The following KAZN variants were observed in gnomAD, a reference collection of about 807,000 sequenced individuals.
KAZN encodes the protein kazrin.
A neutral mutation model predicts 87.4 loss-of-function variants in KAZN; 40 were observed. That is an observed-to-expected ratio of 0.46 (90% CI 0.36 to 0.60). KAZN has a LOEUF of 0.60. Ranked by LOEUF, KAZN falls within the 20% of genes least tolerant of loss-of-function variation. The pLI is 0.00. For missense variants in KAZN, 898 were observed against 1,073.9 expected (o/e 0.84, Z 2.29); for synonymous variants, 466 against 458.3 (o/e 1.02, Z -0.22).
At chr1:14,845,173 G>A (rs1414498614) in intron 1 of KAZN, among the ~76,000 whole-genome samples, 1 of 149,970 alleles carries the variant, frequency 6.7e-6, no homozygotes, top group Non-Finnish European at 1.5e-5. Context: ...ATGGGTGGGT[G>A]GATGGATGGA....
intron 1 of KAZN, among the ~76,000 whole-genome samples, chr1:14,866,342 C>A (rs898379714): frequency 1.3e-5 from 2 of 152,208 alleles, no homozygotes; most frequent in Non-Finnish European, 2.9e-5. Flanking sequence ...TTGGCGAGAG[C>A]CCCTTCCTCA....
intron 2 of KAZN, among the ~76,000 whole-genome samples, chr1:14,581,995 A>G (rs1294416487): frequency 6.6e-6 from 1 of 151,526 alleles, no homozygotes; most frequent in Non-Finnish European, 1.5e-5. Flanking sequence ...ACCTCGTACC[A>G]CCCAGACTAG....
intron 1 of KAZN, among the ~76,000 whole-genome samples, chr1:13,966,578 C>T (rs960634541): frequency 4.6e-5 from 7 of 152,104 alleles, no homozygotes; most frequent in South Asian, 2.1e-4. Context: ...TGAGTGGTGA[C>T]GCCAGGATCT....
At chr1:14,493,331 C>T (rs1287912944) in intron 2 of KAZN, among the ~76,000 whole-genome samples, 1 of 152,194 alleles carries the variant, frequency 6.6e-6, no homozygotes, top group Non-Finnish European at 1.5e-5. Flanking sequence ...ATGAAAGCAA[C>T]ACCTGGTGTG....
chr1:14,097,349 A>G (rs570181011), intron 1 of KAZN, among the ~76,000 whole-genome samples: 15 of 152,198 alleles, frequency 9.9e-5, no homozygotes, highest in Non-Finnish European at 1.3e-4. Flanking sequence ...AGCCTAAAGC[A>G]TATGTCACAA....
At chr1:14,333,060 T>C (rs540672005) in intron 2 of KAZN, among the ~76,000 whole-genome samples, 3 of 152,216 alleles carry the variant, frequency 2.0e-5, no homozygotes, top group Non-Finnish European at 4.4e-5. Flanking sequence ...TGACAGGCCC[T>C]GGTGTGTGAT....
intron 14 of KAZN, 41 bp downstream of exon 14, chr1:15,112,582 C>A (rs201616561): frequency 1.1e-5 from 6 of 523,516 alleles, no homozygotes; most frequent in South Asian, 8.0e-5. Context: ...CCTGCAGACC[C>A]GGGAAAGGTC....
At chr1:14,480,642 TATA>T (rs1056433340) in intron 2 of KAZN, among the ~76,000 whole-genome samples, 3 of 138,920 alleles carry the variant, frequency 2.2e-5, no homozygotes, top group East Asian at 2.0e-4. Context: ...TATTATGTAT[TATA>T]ATATATAATA....
At chr1:14,538,338 T>A (rs1051161647) in intron 2 of KAZN, among the ~76,000 whole-genome samples, 3 of 152,242 alleles carry the variant, frequency 2.0e-5, no homozygotes, top group African/African-American at 7.2e-5. Context: ...GAGTGTGTGA[T>A]AGAAGAAGAA....
chr1:14,057,436 T>G (rs1642622760), intron 1 of KAZN, among the ~76,000 whole-genome samples: 1 of 152,156 alleles, frequency 6.6e-6, no homozygotes, highest in Non-Finnish European at 1.5e-5. Flanking sequence ...CCCAGCTATG[T>G]TTAGCATTTT....
chr1:14,506,417 C>T (rs565934708), intron 2 of KAZN, among the ~76,000 whole-genome samples: 2 of 152,266 alleles, frequency 1.3e-5, no homozygotes, highest in South Asian at 2.1e-4. Context: ...TCGTTTATAC[C>T]TTTGTCTCTC....
intron 3 of KAZN, among the ~76,000 whole-genome samples, chr1:15,041,336 T>TTTTTTTTG: frequency 6.8e-6 from 1 of 146,488 alleles, no homozygotes; most frequent in Non-Finnish European, 1.5e-5. Flanking sequence ...TTTTTCTTTT[T>TTTTTTTTG]TTTTTTTTTT....
intron 1 of KAZN, among the ~76,000 whole-genome samples, chr1:14,720,301 C>T (rs1230729615): frequency 6.6e-6 from 1 of 152,182 alleles, no homozygotes; most frequent in African/African-American, 2.4e-5. Context: ...CTGGGCAGCC[C>T]CCTTATTTCA....
In KAZN at chr1:14,111,508, G is replaced by A. The variant is rs545333117; in HGVS notation, c.92-68927G>A. Among the ~76,000 whole-genome samples the A allele has an allele frequency of 4.5e-5, 6 of 134,804 alleles. 1 individual carries two copies. The South Asian group carries it at 9.9e-4, about 22-fold the overall frequency. 88.4% of individuals were successfully genotyped at this position (134,804 alleles called of 152,430 possible). On this transcript the variant is annotated intron_variant, in intron 1 of 16. Coordinates refer to the KAZN transcript ENST00000636203. ...GCCCAGCAGAGTCCAAAAGGACTGG[G>A]GCAGCATTGCTGCACTTGAAGGAAA...
intron 2 of KAZN, among the ~76,000 whole-genome samples, chr1:14,208,196 A>G (rs1646783149): frequency 6.6e-6 from 1 of 152,192 alleles, no homozygotes; most frequent in South Asian, 2.1e-4. Flanking sequence ...AAGGTGGAGG[A>G]GACAAAGGCT....
At chr1:14,303,543 G>C (rs1178900334) in intron 2 of KAZN, among the ~76,000 whole-genome samples, 1 of 152,082 alleles carries the variant, frequency 6.6e-6, no homozygotes, top group Non-Finnish European at 1.5e-5. Context: ...GCGCCCAGAC[G>C]GGAATCTGCA....
At position 14,505,115 on chromosome 1, in the gene KAZN, T is replaced by C. The variant is rs532844143; in HGVS notation, c.250-93868T>C. Among the ~76,000 whole-genome samples the C allele has an allele frequency of 2.5e-4, 38 of 152,330 alleles. 1 individual carries two copies. The South Asian group carries it at 6.8e-3, about 27-fold the overall frequency. ...GCTTCTCTGCCCACCTCTTAGGAAA[T>C]GGCCACCTCGAATAACTCCCCACTT... On this transcript the variant is annotated intron_variant, in intron 2 of 16. Coordinates refer to the KAZN transcript ENST00000636203.
intron 1 of KAZN, among the ~76,000 whole-genome samples, chr1:14,165,775 TAC>T (rs1330344254): frequency 1.3e-5 from 2 of 152,214 alleles, no homozygotes; most frequent in Non-Finnish European, 2.9e-5. Flanking sequence ...TGGCTCTGAC[TAC>T]AGTGTTCAAA....
At chr1:14,867,161 G>A (rs566733491) in intron 1 of KAZN, among the ~76,000 whole-genome samples, 104 of 152,338 alleles carry the variant, frequency 6.8e-4, no homozygotes, top group Non-Finnish European at 1.2e-3. Flanking sequence ...CCTGTGCAGG[G>A]GAGCAGCCAC....
Sources: allele counts gnomAD v4.1 joint callset (sites outside exome capture counted in the v4.1 genomes callset), GRCh38; gene constraint gnomAD v4.1.1; transcripts MANE v1.5; gene names NCBI Gene and HGNC (gene_info 2026-07-23, HGNC 2026-07-21).